UBE2D3: variants seen among roughly 807,000 people sequenced by gnomAD.
The protein encoded by UBE2D3 is ubiquitin conjugating enzyme E2 D3, also known as ubiquitin-conjugating enzyme E2 D3.
Under a neutral mutation model 22.8 loss-of-function variants are expected in UBE2D3, and 2 were observed. The ratio of observed to expected loss-of-function variants is 0.09; its 90% CI spans 0.04 to 0.28. The LOEUF is 0.28. Among genes scored for constraint, UBE2D3 ranks in the 10% least tolerant of loss-of-function variants. The pLI is 1.00. For synonymous variants in UBE2D3, 56 were observed against 60.4 expected (o/e 0.93, Z 0.34); for missense variants, 27 against 182.5 (o/e 0.15, Z 4.91).
intron 2 of UBE2D3, among the ~76,000 whole-genome samples, chr4:102,817,643 T>A (rs1728964169): frequency 6.6e-6 from 1 of 152,218 alleles, no homozygotes; most frequent in African/African-American, 2.4e-5. Context: ...ACCAAACTAT[T>A]ACTCAATGCT....
chr4:102,821,256 T>C (rs223398), intron 2 of UBE2D3, among the ~76,000 whole-genome samples: 88,007 of 152,002 alleles, frequency 0.58, 26,903 homozygotes, highest in African/African-American at 0.79. Flanking sequence ...AAAAGACAAA[T>C]CACATTGTAA....
intron 7 of UBE2D3, chr4:102,799,030 G>C: frequency 6.6e-7 from 1 of 1,506,430 alleles, no homozygotes. Flanking sequence ...AGTTATAATG[G>C]TTAAGTTGAA....
chr4:102,814,729 C>A (rs144024100), intron 2 of UBE2D3, among the ~76,000 whole-genome samples: 177 of 152,258 alleles, frequency 1.2e-3, no homozygotes, highest in African/African-American at 4.2e-3. Flanking sequence ...GTGTAGACCA[C>A]CCATCCTGAA....
chr4:102,866,461 T>C (rs1396760315), intron 1 of UBE2D3, among the ~76,000 whole-genome samples: 1 of 152,210 alleles, frequency 6.6e-6, no homozygotes, highest in African/African-American at 2.4e-5. Context: ...AAGGGTCGCT[T>C]TTTAAAAACG....
At chr4:102,851,526 TTG>T (rs1332944864) in intron 1 of UBE2D3, among the ~76,000 whole-genome samples, 1 of 152,224 alleles carries the variant, frequency 6.6e-6, no homozygotes, top group Non-Finnish European at 1.5e-5. Context: ...AGTAGATAAT[TTG>T]TAGGAAACAG....
At chr4:102,852,070 G>A (rs1188127964) in intron 1 of UBE2D3, among the ~76,000 whole-genome samples, 3 of 152,236 alleles carry the variant, frequency 2.0e-5, no homozygotes, top group Non-Finnish European at 2.9e-5. Context: ...CCCATGGGTC[G>A]TAAGTGGAAA....
upstream of UBE2D3, chr4:102,827,781 G>A (rs1017276419): frequency 1.0e-6 from 1 of 985,656 alleles, no homozygotes; most frequent in Middle Eastern, 5.2e-4. Context: ...GCGGGGGAGG[G>A]AGGAGGATCA....
chr4:102,821,607 A>AT (rs35400781), intron 2 of UBE2D3, among the ~76,000 whole-genome samples: 177 of 150,820 alleles, frequency 1.2e-3, no homozygotes, highest in Non-Finnish European at 1.7e-3. Flanking sequence ...ATGCAGCTGT[A>AT]TTTTTTTTTT....
intron 1 of UBE2D3, among the ~76,000 whole-genome samples, chr4:102,833,063 A>G (rs1731199872): frequency 6.6e-6 from 1 of 152,080 alleles, no homozygotes; most frequent in Non-Finnish European, 1.5e-5. Context: ...ACTTGAAACA[A>G]TAGTATGAAC....
chr4:102,865,166 T>C (rs562298111), intron 1 of UBE2D3, among the ~76,000 whole-genome samples: 1 of 152,208 alleles, frequency 6.6e-6, no homozygotes, highest in East Asian at 1.9e-4. Context: ...GATGAATAAA[T>C]TTGACTACAC....
At chr4:102,804,467 A>G (rs1182118264) in intron 4 of UBE2D3, among the ~76,000 whole-genome samples, 3 of 151,756 alleles carry the variant, frequency 2.0e-5, no homozygotes, top group Admixed American at 2.0e-4. Flanking sequence ...CCTTTTTCAT[A>G]TTTTCTACAA....
chr4:102,867,713 C>T (rs1733211697), intron 1 of UBE2D3, among the ~76,000 whole-genome samples: 2 of 152,060 alleles, frequency 1.3e-5, no homozygotes, highest in South Asian at 4.1e-4. Context: ...GCAGAAGGAT[C>T]CCTTAAGCCG....
intron 1 of UBE2D3, chr4:102,843,827 CAA>C (rs1560887064): frequency 6.6e-6 from 1 of 152,080 alleles, no homozygotes; most frequent in African/African-American, 2.4e-5. Flanking sequence ...TATGGAATAA[CAA>C]AAGACCATCA....
At chr4:102,811,013 A>T (rs1325421447) in intron 2 of UBE2D3, 1 of 152,178 alleles carries the variant, frequency 6.6e-6, no homozygotes, top group Admixed American at 6.5e-5. Flanking sequence ...TCTCATATAA[A>T]CACGGAAATA....
chr4:102,861,605 G>C (rs372338560), intron 1 of UBE2D3, among the ~76,000 whole-genome samples: 1 of 151,824 alleles, frequency 6.6e-6, no homozygotes, highest in African/African-American at 2.4e-5. Context: ...AAACTTCTGA[G>C]GTAATAAGAA....
In UBE2D3 at chr4:102,797,161, T is replaced by TA. The variant is rs965209004; in HGVS notation, c.*253dup. 23 of 327,714 alleles carry TA rather than the reference T, an allele frequency of 7.0e-5. No homozygotes were observed. Among genetic ancestry groups the TA allele is most frequent in the Admixed American group, 1.8e-4 (4 of 22,086 alleles). The allele number at this position is 327,714 out of a possible 1,614,324, so 20.3% of individuals were successfully genotyped here. A position where few individuals can be genotyped will look rare whatever the true frequency, so the allele number is the denominator to read the frequency against. On this transcript the variant is annotated 3_prime_UTR_variant, in exon 8 of 8. Coordinates refer to ENST00000453744, the MANE Select transcript of UBE2D3 (RefSeq NM_181891.3). Reference sequence around the variant, plus strand: ...AATACACATGCTCCATTTTTTTTTTTAAAAATTCTGAGTCTTGGGCAACTG... The same window carrying TA: ...AATACACATGCTCCATTTTTTTTTTTAAAAAATTCTGAGTCTTGGGCAACTG...
chr4:102,833,107 A>G (rs2110346947), intron 1 of UBE2D3, among the ~76,000 whole-genome samples: 1 of 152,022 alleles, frequency 6.6e-6, no homozygotes, highest in Middle Eastern at 3.4e-3. Context: ...GAACTACGAA[A>G]CTAAAGTTTA....
chr4:102,866,123 A>C (rs1733134136), intron 1 of UBE2D3, among the ~76,000 whole-genome samples: 1 of 152,236 alleles, frequency 6.6e-6, no homozygotes, highest in Non-Finnish European at 1.5e-5. Flanking sequence ...TATTCCTTTT[A>C]AGTGGATAAT....
intron 1 of UBE2D3, among the ~76,000 whole-genome samples, chr4:102,859,521 CCT>C (rs1465343849): frequency 6.6e-6 from 1 of 151,938 alleles, no homozygotes; most frequent in African/African-American, 2.4e-5. Flanking sequence ...TTATGTTCAA[CCT>C]ACATGGAATT....
Sources: allele counts gnomAD v4.1 joint callset (sites outside exome capture counted in the v4.1 genomes callset), GRCh38; gene constraint gnomAD v4.1.1; transcripts MANE v1.5; gene names NCBI Gene and HGNC (gene_info 2026-07-23, HGNC 2026-07-21).